The following DNM3 variants were observed in gnomAD, a reference collection of about 807,000 sequenced individuals.
DNM3 encodes the protein dynamin-3.
DNM3 carries 47 observed loss-of-function variants against 101.6 expected under a neutral mutation model. That is an observed-to-expected ratio of 0.46 (90% confidence interval 0.37 to 0.59). The LOEUF is 0.59. DNM3 is among the 20% of genes least tolerant of loss of function. The probability of loss-of-function intolerance (pLI) is 0.00; values close to 1 mark genes in which losing one functional copy is unlikely to be tolerated. For missense variants in DNM3, 849 were observed against 1,085.7 expected (o/e 0.78, Z 3.06); for synonymous variants, 385 against 387.9 (o/e 0.99, Z 0.09).
At chr1:171,894,977 A>C (rs2037648667) in intron 1 of DNM3, among the ~76,000 whole-genome samples, 1 of 152,150 alleles carries the variant, frequency 6.6e-6, no homozygotes, top group African/African-American at 2.4e-5. Flanking sequence ...TCATCGTTTT[A>C]TATGGCTGCA....
intron 15 of DNM3, among the ~76,000 whole-genome samples, chr1:172,270,608 T>G (rs1391438158): frequency 1.3e-5 from 2 of 152,174 alleles, no homozygotes; most frequent in Non-Finnish European, 2.9e-5. Context: ...TACTGGCATG[T>G]GTAATTAATT....
intron 17 of DNM3, among the ~76,000 whole-genome samples, chr1:172,327,173 TACA>T (rs1383143998): frequency 1.3e-5 from 2 of 152,154 alleles, no homozygotes; most frequent in East Asian, 3.9e-4. Flanking sequence ...TAACTGTTTT[TACA>T]ACATTTAAGA....
intron 14 of DNM3, chr1:172,133,245 T>C (rs2057037528): frequency 1.8e-6 from 2 of 1,095,260 alleles, no homozygotes; most frequent in Admixed American, 5.1e-5. Flanking sequence ...GGAAGAAGCT[T>C]TGAAGGCTTG....
At position 172,323,297 on chromosome 1, in the gene DNM3, T is replaced by C; in HGVS notation, c.1882-32T>C. 2.5e-6 allele frequency: 4 copies of C among 1,577,446 alleles called. No homozygotes were observed. The South Asian group carries it at 4.7e-5, about 19-fold the overall frequency. On this transcript the variant is annotated intron_variant, in intron 16 of 20. Coordinates refer to ENST00000627582, the MANE Select transcript of DNM3 (RefSeq NM_015569.5). ...AAAATAAATTTCTGTTTAACATATT[T>C]CTCTTTCTTTTCCTTGCGGCTACAT...
chr1:172,401,840 A>G (rs547980563), intron 20 of DNM3, among the ~76,000 whole-genome samples: 394 of 152,270 alleles, frequency 2.6e-3, no homozygotes, highest in African/African-American at 9.1e-3. Flanking sequence ...CTGTTATAGC[A>G]TTTTTCTGAC....
chr1:172,357,187 C>A (rs546926517), intron 17 of DNM3, among the ~76,000 whole-genome samples: 1 of 152,110 alleles, frequency 6.6e-6, no homozygotes, highest in South Asian at 2.1e-4. Flanking sequence ...GTAATAGTTT[C>A]TCTTAAGAAT....
At chr1:172,178,205 C>T (rs1011500318) in intron 14 of DNM3, among the ~76,000 whole-genome samples, 1 of 151,820 alleles carries the variant, frequency 6.6e-6, no homozygotes, top group East Asian at 1.9e-4. Context: ...AGACCACTGT[C>T]ATTGAAGGTG....
chr1:172,019,218 T>C (rs887776907), intron 4 of DNM3, among the ~76,000 whole-genome samples: 16 of 151,738 alleles, frequency 1.1e-4, no homozygotes. Context: ...TTCTTTTCTT[T>C]TATTTCATGA....
chr1:172,020,799 G>A (rs1476657834), intron 4 of DNM3, among the ~76,000 whole-genome samples: 1 of 149,216 alleles, frequency 6.7e-6, no homozygotes, highest in Non-Finnish European at 1.5e-5. Context: ...TTCCCTACCA[G>A]AAGCATAAGG....
intron 1 of DNM3, among the ~76,000 whole-genome samples, chr1:171,869,894 G>A (rs1005131835): frequency 1.4e-4 from 22 of 152,192 alleles, no homozygotes; most frequent in Non-Finnish European, 2.9e-4. Flanking sequence ...TTTTAGATTA[G>A]GGAAGTTCTG....
intron 12 of DNM3, among the ~76,000 whole-genome samples, chr1:172,089,596 T>C (rs1208221100): frequency 6.6e-6 from 1 of 152,244 alleles, no homozygotes; most frequent in Non-Finnish European, 1.5e-5. Context: ...AATACATCAT[T>C]AGCAACAGAA....
intron 17 of DNM3, among the ~76,000 whole-genome samples, chr1:172,327,956 C>T (rs1189059971): frequency 6.6e-6 from 1 of 152,120 alleles, no homozygotes; most frequent in South Asian, 2.1e-4. Flanking sequence ...AATCCCCTCA[C>T]TTTAATAGTA....
chr1:172,065,749 A>AGGT (rs1250751057), intron 10 of DNM3, among the ~76,000 whole-genome samples: 1 of 152,196 alleles, frequency 6.6e-6, no homozygotes, highest in African/African-American at 2.4e-5. Flanking sequence ...CAAAGCAGTC[A>AGGT]GGTTTCTATG....
chr1:171,846,316 A>G (rs888383123), intron 1 of DNM3, among the ~76,000 whole-genome samples: 2 of 152,202 alleles, frequency 1.3e-5, no homozygotes, highest in Non-Finnish European at 2.9e-5. Context: ...AATATAACTA[A>G]GATAACTAGA....
chr1:172,280,746 C>A (rs573421521), intron 15 of DNM3, among the ~76,000 whole-genome samples: 19 of 152,188 alleles, frequency 1.2e-4, no homozygotes, highest in African/African-American at 4.6e-4. Flanking sequence ...TTATGAAAAT[C>A]TTATAAGGAG....
chr1:172,092,040 T>C (rs1376878310), intron 12 of DNM3, among the ~76,000 whole-genome samples: 2 of 152,126 alleles, frequency 1.3e-5, no homozygotes, highest in East Asian at 3.9e-4. Context: ...ATGTATGGTA[T>C]AGAATTGCCA....
intron 13 of DNM3, among the ~76,000 whole-genome samples, chr1:172,111,867 G>A (rs2055509709): frequency 6.6e-6 from 1 of 151,674 alleles, no homozygotes; most frequent in Admixed American, 6.6e-5. Context: ...TTTTGCAAAG[G>A]ACAAATTATA....
At chr1:172,062,797 G>T (rs1206549550) in intron 10 of DNM3, among the ~76,000 whole-genome samples, 2 of 152,102 alleles carry the variant, frequency 1.3e-5, no homozygotes. Context: ...TATTAGAATT[G>T]CTTCTTATCT....
chr1:172,204,066 A>G (rs1049758119), intron 14 of DNM3, among the ~76,000 whole-genome samples: 8 of 152,138 alleles, frequency 5.3e-5, no homozygotes, highest in Non-Finnish European at 1.2e-4. Context: ...AGATTTTCTT[A>G]GCAGTATGCA....
Sources: gnomAD v4.1 joint callset for allele counts (sites outside exome capture counted in the v4.1 genomes callset) on GRCh38, gnomAD v4.1.1 for gene constraint, MANE v1.5 for transcripts, NCBI Gene and HGNC (gene_info 2026-07-23, HGNC 2026-07-21) for gene names.